The following RAP1GDS1 variants were observed in gnomAD, a reference collection of about 807,000 sequenced individuals.
RAP1GDS1 encodes Rap1 GTPase-GDP dissociation stimulator 1, also known as RAP1, GTP-GDP dissociation stimulator 1.
RAP1GDS1 carries 35 observed loss-of-function variants against 71.1 expected under a neutral mutation model. The observed-to-expected ratio is 0.49, with a 90% CI of 0.38 to 0.65. The LOEUF (loss-of-function observed/expected upper bound fraction) is 0.65, where lower values mean the gene tolerates loss of function less well. Among genes scored for constraint, RAP1GDS1 ranks in the 30% least tolerant of loss-of-function variants. RAP1GDS1 has a pLI of 0.00. For synonymous variants in RAP1GDS1, 229 were observed against 243.1 expected (o/e 0.94, Z 0.54); for missense variants, 663 against 706.1 (o/e 0.94, Z 0.69).
intron 1 of RAP1GDS1, among the ~76,000 whole-genome samples, chr4:98,270,235 G>A (rs1039854874): frequency 6.6e-6 from 1 of 152,110 alleles, no homozygotes; most frequent in Non-Finnish European, 1.5e-5. Flanking sequence ...CAGTACTGTT[G>A]TGTTTAAGTT....
At chr4:98,284,803 C>G (rs1453670155) in intron 1 of RAP1GDS1, among the ~76,000 whole-genome samples, 1 of 152,092 alleles carries the variant, frequency 6.6e-6, no homozygotes, top group Non-Finnish European at 1.5e-5. Flanking sequence ...GGAAGCTAAG[C>G]CTTGTAGAAA....
rs114901550 is a variant in RAP1GDS1 at position 98,363,257 on chromosome 4, G to A, written c.361+10656G>A. Among the ~76,000 whole-genome samples the A allele has an allele frequency of 3.6e-3, 548 of 152,000 alleles. 2 individuals carry two copies. The highest frequency in any genetic ancestry group is 0.013 in the African/African-American group (520 of 41,458). ...AATCCCAGAATTTTGGGATGGCAAGGCTCAAGGGCTGCTTGAGGCCAGGAG... is the reference window on the plus strand; with the variant it reads ...AATCCCAGAATTTTGGGATGGCAAGACTCAAGGGCTGCTTGAGGCCAGGAG... On this transcript the variant is annotated intron_variant, in intron 4 of 14. Transcript: ENST00000408927.
chr4:98,302,516 A>G (rs1728708828), intron 2 of RAP1GDS1, among the ~76,000 whole-genome samples: 1 of 152,220 alleles, frequency 6.6e-6, no homozygotes, highest in Admixed American at 6.5e-5. Context: ...ATGCAATTGG[A>G]ATTCAGAAGA....
At chr4:98,415,031 G>A (rs1747726447) in intron 7 of RAP1GDS1, among the ~76,000 whole-genome samples, 1 of 152,114 alleles carries the variant, frequency 6.6e-6, no homozygotes, top group African/African-American at 2.4e-5. Flanking sequence ...TGTTGTTGGT[G>A]TATAAGAATG....
chr4:98,275,866 A>C (rs556644561), intron 1 of RAP1GDS1, among the ~76,000 whole-genome samples: 12 of 152,258 alleles, frequency 7.9e-5, no homozygotes, highest in African/African-American at 2.6e-4. Context: ...TACTGTAAAC[A>C]TGTAAGTTTA....
chr4:98,287,306 A>G lies in RAP1GDS1; in HGVS notation c.5-6102A>G, dbSNP rs530387843. Among the ~76,000 whole-genome samples, 43 of 152,356 alleles carry G rather than the reference A, an allele frequency of 2.8e-4. No individual in the cohort carries two copies. The South Asian group carries it at 8.5e-3, about 30-fold the overall frequency. Reference sequence around the variant, plus strand: ...AAAATAATCTCATAAATAGATTACAAACTTATTGATGAAGTTTAATTTTGG... The same window carrying G: ...AAAATAATCTCATAAATAGATTACAGACTTATTGATGAAGTTTAATTTTGG... On this transcript the variant is annotated intron_variant, in intron 1 of 14. Transcript: ENST00000408927.
intron 1 of RAP1GDS1, among the ~76,000 whole-genome samples, chr4:98,279,245 CAAAAAT>C (rs1315762400): frequency 1.3e-5 from 2 of 151,368 alleles, no homozygotes; most frequent in African/African-American, 4.9e-5. Context: ...AACAAACAAA[CAAAAAT>C]AATAATAATA....
chr4:98,327,472 T>A (rs1251658933), intron 2 of RAP1GDS1, among the ~76,000 whole-genome samples: 1 of 152,198 alleles, frequency 6.6e-6, no homozygotes, highest in Non-Finnish European at 1.5e-5. Context: ...TGTGTAAGGT[T>A]GTAGTTTTTG....
At chr4:98,297,967 C>G (rs1728028111) in intron 2 of RAP1GDS1, among the ~76,000 whole-genome samples, 1 of 152,180 alleles carries the variant, frequency 6.6e-6, no homozygotes, top group African/African-American at 2.4e-5. Context: ...TTCTACTCCA[C>G]TGAAAACATG....
In RAP1GDS1 at chr4:98,352,552, A is replaced by G; in HGVS notation, c.312A>G (p.Glu104=). 1 of 1,614,102 alleles carries G rather than the reference A, an allele frequency of 6.2e-7. No individual in the cohort carries two copies. ...AGCTGCTAAATAGCAAAGACCAGGA[A>G]GTGCTGCTTCAAACGGGCAGGGCTC... The part of the protein sequence containing the change: ...LVQLLNSKDQ[E]VLLQTGRALG... Residue 104 remains glutamate, a synonymous_variant, in exon 4 of 15, where the codon GAA becomes GAG. Coordinates refer to ENST00000408927, the MANE Select transcript of RAP1GDS1 (RefSeq NM_001100427.2).
chr4:98,283,817 ATTTT>A (rs10582639), intron 1 of RAP1GDS1, among the ~76,000 whole-genome samples: 3 of 133,960 alleles, frequency 2.2e-5, no homozygotes. Flanking sequence ...TTTCATTGTG[ATTTT>A]TTTTTTTTTT....
Position 98,362,686 on chromosome 4 carries a change from T to C in RAP1GDS1, c.361+10085T>C, listed in dbSNP as rs148815690. On this transcript the variant is annotated intron_variant, in intron 4 of 14. Coordinates refer to ENST00000408927, the MANE Select transcript of RAP1GDS1 (RefSeq NM_001100427.2). ...TTTACATCCCTGACTTCTAATCTCT[T>C]TGAGTGTGAAAACTTCCTTTTTAAC... Among the ~76,000 whole-genome samples the C allele has an allele frequency of 8.7e-4, 133 of 152,326 alleles. 1 individual carries two copies. Among genetic ancestry groups the C allele is most frequent in the Admixed American group, 1.6e-3 (24 of 15,298 alleles).
intron 12 of RAP1GDS1, among the ~76,000 whole-genome samples, chr4:98,429,271 AAAG>A (rs1486575092): frequency 2.0e-5 from 3 of 151,706 alleles, no homozygotes; most frequent in South Asian, 2.1e-4. Context: ...AAAAAAAAAA[AAAG>A]AAAAGAAACT....
intron 2 of RAP1GDS1, among the ~76,000 whole-genome samples, chr4:98,301,373 C>T (rs1359918310): frequency 1.3e-5 from 2 of 152,090 alleles, no homozygotes; most frequent in African/African-American, 4.8e-5. Context: ...AAGACATTGA[C>T]AATTCCTGAT....
intron 5 of RAP1GDS1, among the ~76,000 whole-genome samples, chr4:98,382,114 T>G (rs946871435): frequency 4.0e-5 from 6 of 151,592 alleles, no homozygotes; most frequent in South Asian, 2.1e-4. Flanking sequence ...TAATTCATAA[T>G]TTATCAGTTT....
chr4:98,428,827 A>G (rs1190655149), intron 12 of RAP1GDS1, among the ~76,000 whole-genome samples: 6 of 152,226 alleles, frequency 3.9e-5, no homozygotes, highest in Admixed American at 2.0e-4. Context: ...TGATCCAGCA[A>G]TCCCACTACT....
intron 1 of RAP1GDS1, among the ~76,000 whole-genome samples, chr4:98,272,602 C>T (rs995125449): frequency 6.6e-6 from 1 of 152,108 alleles, no homozygotes; most frequent in Non-Finnish European, 1.5e-5. Context: ...CAGTGCATCT[C>T]ATCAATTTGC....
intron 10 of RAP1GDS1, among the ~76,000 whole-genome samples, chr4:98,419,116 C>T (rs1012983263): frequency 2.0e-5 from 3 of 152,152 alleles, no homozygotes; most frequent in Non-Finnish European, 2.9e-5. Flanking sequence ...AGTGCAGTGA[C>T]GCAGTCCTGG....
intron 2 of RAP1GDS1, among the ~76,000 whole-genome samples, chr4:98,310,540 T>G (rs1227121367): frequency 6.6e-6 from 1 of 152,186 alleles, no homozygotes; most frequent in Admixed American, 6.5e-5. Context: ...AATCTTTGAT[T>G]TTTGATTGAA....
Sources: gnomAD v4.1 joint callset for allele counts (sites outside exome capture counted in the v4.1 genomes callset) on GRCh38, gnomAD v4.1.1 for gene constraint, MANE v1.5 for transcripts, NCBI Gene and HGNC (gene_info 2026-07-23, HGNC 2026-07-21) for gene names.